ATP8B4: variants seen among roughly 807,000 people sequenced by gnomAD.
ATP8B4 encodes the protein probable phospholipid-transporting ATPase IM.
In ATP8B4, 133 loss-of-function variants were observed where a neutral mutation model predicts 145.6. The observed-to-expected ratio is 0.91, with a 90% CI of 0.79 to 1.05. The LOEUF is 1.05. Ranked by LOEUF, ATP8B4 falls within the 50% of genes least tolerant of loss-of-function variation. The pLI is 0.00. For missense variants in ATP8B4, 1,458 were observed against 1,425.2 expected, an observed-to-expected ratio of 1.02 and a Z score of -0.37; for synonymous variants, 507 against 492.9, an observed-to-expected ratio of 1.03 and a Z score of -0.38.
rs539121736 is a variant in ATP8B4, at chr15:49,989,403, A to T, written c.590-1854T>A. On this transcript the variant is annotated intron_variant, in intron 9 of 27. Coordinates refer to ENST00000284509, the MANE Select transcript of ATP8B4 (RefSeq NM_024837.4). ...TTCTTGACCCAAGACTCAATTTCTC[A>T]GGCTTCAAACCTAGCCACTTAAAAA... Among the ~76,000 whole-genome samples the T allele has an allele frequency of 2.7e-5, 4 of 149,952 alleles. No individual in the cohort carries two copies. The East Asian group carries it at 8.0e-4, about 30-fold the overall frequency.
intron 1 of ATP8B4, among the ~76,000 whole-genome samples, chr15:50,111,106 G>T (rs2056918447): frequency 6.6e-6 from 1 of 152,194 alleles, no homozygotes; most frequent in Non-Finnish European, 1.5e-5. Flanking sequence ...GAGGAAGAGG[G>T]CAGCCTTCCA....
At chr15:50,006,224 A>C (rs941866552) in intron 7 of ATP8B4, among the ~76,000 whole-genome samples, 1 of 151,960 alleles carries the variant, frequency 6.6e-6, no homozygotes, top group African/African-American at 2.4e-5. Context: ...GAAGAGAAGG[A>C]AGGCTGAGAA....
intron 3 of ATP8B4, among the ~76,000 whole-genome samples, chr15:50,062,443 A>T (rs1322190386): frequency 6.6e-6 from 1 of 152,154 alleles, no homozygotes; most frequent in Non-Finnish European, 1.5e-5. Context: ...ACAGCCTTGT[A>T]GAACTGAGCC....
At chr15:49,991,318 G>A (rs2047028859) in intron 9 of ATP8B4, among the ~76,000 whole-genome samples, 1 of 152,170 alleles carries the variant, frequency 6.6e-6, no homozygotes, top group African/African-American at 2.4e-5. Context: ...TCAGAATTCA[G>A]CATTAACAGT....
intron 6 of ATP8B4, among the ~76,000 whole-genome samples, chr15:50,014,381 C>A (rs967342489): frequency 2.6e-5 from 4 of 152,096 alleles, no homozygotes; most frequent in Non-Finnish European, 4.4e-5. Flanking sequence ...TCACAGCAGG[C>A]ACTCAGTAAG....
At chr15:49,924,153 T>C (rs2040503496) in intron 16 of ATP8B4, among the ~76,000 whole-genome samples, 1 of 152,142 alleles carries the variant, frequency 6.6e-6, no homozygotes, top group Admixed American at 6.5e-5. Flanking sequence ...CCCCACAGGT[T>C]TGAGACTGAC....
chr15:50,018,911 ATCT>A (rs1206491143), intron 6 of ATP8B4: 45 of 1,252,890 alleles, frequency 3.6e-5, no homozygotes, highest in East Asian at 5.7e-5. Flanking sequence ...ACCAGGATAA[ATCT>A]TCTTCCTTAC....
intron 7 of ATP8B4, among the ~76,000 whole-genome samples, chr15:50,004,456 G>A (rs2048156969): frequency 6.6e-6 from 1 of 152,206 alleles, no homozygotes; most frequent in African/African-American, 2.4e-5. Flanking sequence ...AGGACTCTGA[G>A]TCTCACAACA....
chr15:50,111,346 G>A (rs894215577), intron 1 of ATP8B4, among the ~76,000 whole-genome samples: 3 of 152,204 alleles, frequency 2.0e-5, no homozygotes, highest in Non-Finnish European at 4.4e-5. Context: ...CACTTGTCAT[G>A]CTGAAGTGAA....
intron 6 of ATP8B4, among the ~76,000 whole-genome samples, chr15:50,012,910 T>C (rs1349091442): frequency 6.6e-6 from 1 of 152,142 alleles, no homozygotes; most frequent in African/African-American, 2.4e-5. Context: ...TTAATATATA[T>C]AACTGCACTT....
intron 23 of ATP8B4, among the ~76,000 whole-genome samples, chr15:49,891,315 AGTTT>A (rs904773566): frequency 2.7e-5 from 4 of 150,136 alleles, no homozygotes; most frequent in Non-Finnish European, 4.4e-5. Flanking sequence ...TTTAAATACA[AGTTT>A]GTTTGTTTGT....
intron 1 of ATP8B4, among the ~76,000 whole-genome samples, chr15:50,137,642 C>A (rs998834140): frequency 6.6e-6 from 1 of 152,226 alleles, no homozygotes; most frequent in African/African-American, 2.4e-5. Context: ...CGGCACAAGA[C>A]TAGCCTTGTT....
intron 2 of ATP8B4, among the ~76,000 whole-genome samples, chr15:50,078,146 T>C (rs1372989636): frequency 6.6e-6 from 1 of 151,954 alleles, no homozygotes; most frequent in Non-Finnish European, 1.5e-5. Context: ...CTTGAATATA[T>C]ATACATAGAT....
chr15:49,919,811 T>C (rs1344758747), intron 18 of ATP8B4, among the ~76,000 whole-genome samples: 4 of 152,128 alleles, frequency 2.6e-5, no homozygotes. Context: ...TAAGAGTGGT[T>C]TTTAGAATAG....
chr15:50,061,905 A>G (rs1011184885), intron 3 of ATP8B4, among the ~76,000 whole-genome samples: 2 of 152,236 alleles, frequency 1.3e-5, no homozygotes, highest in African/African-American at 4.8e-5. Context: ...CTAGAAAATT[A>G]TCTTCCTTAC....
At chr15:49,953,312 G>A (rs915254034) in intron 14 of ATP8B4, among the ~76,000 whole-genome samples, 11 of 152,276 alleles carry the variant, frequency 7.2e-5, no homozygotes, top group Non-Finnish European at 1.6e-4. Context: ...ACCAGGAGGA[G>A]AGGCTAAGTC....
intron 7 of ATP8B4, among the ~76,000 whole-genome samples, chr15:50,005,026 G>A (rs893090892): frequency 6.6e-6 from 1 of 152,146 alleles, no homozygotes; most frequent in Non-Finnish European, 1.5e-5. Flanking sequence ...TAAAGAAGAG[G>A]AAAGGAAAAG....
At chr15:49,980,443 C>T (rs1200899340) in intron 11 of ATP8B4, among the ~76,000 whole-genome samples, 6 of 151,962 alleles carry the variant, frequency 3.9e-5, no homozygotes, top group Admixed American at 3.3e-4. Context: ...AGCAGTATTA[C>T]ACAAAGACTA....
Position 50,082,302 on chromosome 15 carries a change from A to G in ATP8B4, c.29-8117T>C, listed in dbSNP as rs182700142. ...AATGTGTCCCCAGTTGGGGTTTCCT[A>G]TTGAAACCCAGTGGTGACCTGCGGC... On this transcript the variant is annotated intron_variant, in intron 2 of 27. Transcript: ENST00000284509. 1.0e-3 allele frequency among the ~76,000 whole-genome samples: 155 copies of G among 152,276 alleles called. 2 individuals carry two copies. Among genetic ancestry groups the G allele is most frequent in the South Asian group, 3.1e-3 (15 of 4,824 alleles).
Sources: gnomAD v4.1 joint callset for allele counts (sites outside exome capture counted in the v4.1 genomes callset) on GRCh38, gnomAD v4.1.1 for gene constraint, MANE v1.5 for transcripts, NCBI Gene and HGNC (gene_info 2026-07-23, HGNC 2026-07-21) for gene names.